The following RXFP1 variants were observed in gnomAD, a reference collection of about 807,000 sequenced individuals.
RXFP1 encodes the protein relaxin receptor 1.
In RXFP1, 73 loss-of-function variants were observed where a neutral mutation model predicts 89.8. That is an observed-to-expected ratio of 0.81 (90% CI 0.67 to 0.99). The LOEUF (loss-of-function observed/expected upper bound fraction) is 0.99. Ranked by LOEUF, RXFP1 falls within the 50% of genes least tolerant of loss-of-function variation. The pLI is 0.00. For missense variants in RXFP1, 793 were observed against 895.5 expected (o/e 0.89, Z 1.46); for synonymous variants, 277 against 305.5 (o/e 0.91, Z 0.97).
intron 1 of RXFP1, among the ~76,000 whole-genome samples, chr4:158,536,460 C>T (rs937150943): frequency 1.3e-5 from 2 of 152,128 alleles, no homozygotes; most frequent in African/African-American, 4.8e-5. Context: ...CTTCAATATC[C>T]TTAGCAGACT....
At chr4:158,571,852 C>T (rs1487329587) in intron 1 of RXFP1, among the ~76,000 whole-genome samples, 1 of 152,170 alleles carries the variant, frequency 6.6e-6, no homozygotes, top group African/African-American at 2.4e-5. Context: ...AAGCCAGATA[C>T]ATTCAATGTG....
At chr4:158,622,630 G>A (rs1005698887) in intron 9 of RXFP1, among the ~76,000 whole-genome samples, 8 of 152,156 alleles carry the variant, frequency 5.3e-5, no homozygotes, top group African/African-American at 1.9e-4. Flanking sequence ...GAAAAATACT[G>A]CGTAATCTCA....
intron 12 of RXFP1, among the ~76,000 whole-genome samples, chr4:158,634,509 CA>C (rs1196951773): frequency 1.3e-5 from 2 of 152,098 alleles, no homozygotes; most frequent in African/African-American, 4.8e-5. Flanking sequence ...CTTTGATGCA[CA>C]AAAGTTTTTA....
At chr4:158,550,831 C>A (rs1364294918) in intron 1 of RXFP1, among the ~76,000 whole-genome samples, 1 of 152,120 alleles carries the variant, frequency 6.6e-6, no homozygotes, top group Non-Finnish European at 1.5e-5. Flanking sequence ...GATATCCAAG[C>A]AATTTATTCC....
At chr4:158,529,440 G>A (rs1251380552) in intron 1 of RXFP1, among the ~76,000 whole-genome samples, 1 of 151,844 alleles carries the variant, frequency 6.6e-6, no homozygotes, top group Non-Finnish European at 1.5e-5. Flanking sequence ...TGTATTTTTT[G>A]TAGAGATGGG....
chr4:158,652,664 C>T lies in RXFP1; in HGVS notation c.*609C>T, dbSNP rs1333643465. ...CAACATATTTATTACTAAAAAGATG[C>T]TTTGCTAGAAACTCAAAAACAGCAC... On this transcript the variant is annotated 3_prime_UTR_variant, in exon 18 of 18. Transcript: ENST00000307765. The T allele has an allele frequency of 6.6e-6, 1 of 152,212 alleles. No homozygotes were observed. Among genetic ancestry groups the T allele is most frequent in the East Asian group, 1.9e-4 (1 of 5,204 alleles). The allele number at this position is 152,212 out of a possible 1,614,324, so 9.4% of individuals were successfully genotyped here.
intron 11 of RXFP1, among the ~76,000 whole-genome samples, chr4:158,628,918 T>G (rs1767476352): frequency 6.8e-6 from 1 of 146,236 alleles, no homozygotes; most frequent in African/African-American, 2.6e-5. Flanking sequence ...GAAAGTGGGT[T>G]AAAGGAAACA....
chr4:158,608,768 A>G (rs1332485291), intron 6 of RXFP1, among the ~76,000 whole-genome samples: 2 of 152,104 alleles, frequency 1.3e-5, no homozygotes, highest in Non-Finnish European at 2.9e-5. Context: ...TTGTTGAATA[A>G]TAATTCCTCA....
chr4:158,636,657 C>T, intron 12 of RXFP1, among the ~76,000 whole-genome samples: 1 of 152,152 alleles, frequency 6.6e-6, no homozygotes, highest in East Asian at 1.9e-4. Flanking sequence ...ATATATTTAT[C>T]AGTACAACAT....
At position 158,646,956 on chromosome 4, in the gene RXFP1, C is replaced by T; in HGVS notation, c.1511C>T (p.Thr504Ile). 6.2e-7 allele frequency: 1 copy of T among 1,614,144 alleles called. No homozygotes were observed. Among genetic ancestry groups the T allele is most frequent in the African/African-American group, 1.3e-5 (1 of 75,058 alleles). ...LSTEVSVLLL[T>I]FLTLEKYICI... is the part of the protein sequence containing the mutation. ...ACAGAAGTATCAGTTTTACTGTTAA[C>T]ATTTCTGACATTGGAAAAATACATC... The change falls in exon 16 of 18, where the codon ACA (threonine) becomes ATA (isoleucine). Residue 504 changes from threonine (T) to isoleucine (I), a missense_variant. Coordinates refer to ENST00000307765, the MANE Select transcript of RXFP1 (RefSeq NM_021634.4).
chr4:158,528,512 G>GA (rs941143547), intron 1 of RXFP1, among the ~76,000 whole-genome samples: 4 of 150,044 alleles, frequency 2.7e-5, no homozygotes, highest in East Asian at 1.9e-4. Flanking sequence ...GTCAGAAAAA[G>GA]AAAAAAAAAG....
chr4:158,556,260 AC>A (rs1161560275), intron 1 of RXFP1, among the ~76,000 whole-genome samples: 1 of 151,164 alleles, frequency 6.6e-6, no homozygotes, highest in East Asian at 1.9e-4. Context: ...TGGACAAAAG[AC>A]CTTAATGGAT....
At chr4:158,638,172 C>A in intron 13 of RXFP1, 93 bp downstream of exon 13, 2 of 717,062 alleles carry the variant, frequency 2.8e-6, no homozygotes, top group Non-Finnish European at 4.6e-6. Context: ...AAATCATAAG[C>A]TTTATTTCCA....
intron 2 of RXFP1, among the ~76,000 whole-genome samples, chr4:158,580,330 C>G (rs1757099798): frequency 6.6e-6 from 1 of 152,142 alleles, no homozygotes; most frequent in African/African-American, 2.4e-5. Context: ...TCTCTAAGAA[C>G]TGACAAGCCC....
chr4:158,627,283 G>A (rs1767045073), intron 10 of RXFP1, among the ~76,000 whole-genome samples: 1 of 151,886 alleles, frequency 6.6e-6, no homozygotes, highest in Admixed American at 6.6e-5. Context: ...AGGATGTTAG[G>A]TCTTCCTTCA....
intron 2 of RXFP1, among the ~76,000 whole-genome samples, chr4:158,574,644 T>TTTAG (rs1755839027): frequency 6.6e-6 from 1 of 152,260 alleles, no homozygotes; most frequent in East Asian, 1.9e-4. Flanking sequence ...CTATAATACA[T>TTTAG]GCCTCTGAGC....
chr4:158,643,154 C>T (rs769597848), intron 14 of RXFP1, among the ~76,000 whole-genome samples: 1 of 152,154 alleles, frequency 6.6e-6, no homozygotes, highest in Non-Finnish European at 1.5e-5. Context: ...GTTGAACATG[C>T]TTGGCCCCCA....
chr4:158,571,527 T>A (rs56399213), intron 1 of RXFP1, among the ~76,000 whole-genome samples: 32,108 of 152,024 alleles, frequency 0.21, 4,698 homozygotes, highest in African/African-American at 0.4. Flanking sequence ...TTAGGCGTGG[T>A]GGTGCATGCC....
At chr4:158,567,210 G>A (rs532054762) in intron 1 of RXFP1, among the ~76,000 whole-genome samples, 302 of 152,254 alleles carry the variant, frequency 2.0e-3, no homozygotes, top group African/African-American at 6.2e-3. Flanking sequence ...CTGCACAGCC[G>A]GAGCCTCCCC....
Sources: gnomAD v4.1 joint callset for allele counts (sites outside exome capture counted in the v4.1 genomes callset) on GRCh38, gnomAD v4.1.1 for gene constraint, MANE v1.5 for transcripts, NCBI Gene and HGNC (gene_info 2026-07-23, HGNC 2026-07-21) for gene names.